The following MLLT3 variants were observed in gnomAD, a reference collection of about 807,000 sequenced individuals.
MLLT3 encodes the protein MLLT3 super elongation complex subunit.
A neutral mutation model predicts 53.2 loss-of-function variants in MLLT3; 4 were observed. The ratio of observed to expected loss-of-function variants is 0.08; its 90% CI spans 0.04 to 0.17. The LOEUF (loss-of-function observed/expected upper bound fraction) is 0.17. Among genes scored for constraint, MLLT3 ranks in the 10% least tolerant of loss-of-function variants. The pLI, the probability that MLLT3 is intolerant of heterozygous loss-of-function variation, is 1.00. For synonymous variants in MLLT3, 283 were observed against 230.6 expected, an observed-to-expected ratio of 1.23 and a Z score of -2.06; for missense variants, 569 against 684.0, an observed-to-expected ratio of 0.83 and a Z score of 1.87.
rs118161474 is a variant in MLLT3 at position 20,432,829 on chromosome 9, A to C, written c.420+15294T>G. Among the ~76,000 whole-genome samples, 204 of 152,160 alleles carry C rather than the reference A, an allele frequency of 1.3e-3. 2 individuals are homozygous for C. The East Asian group carries it at 0.03, about 22-fold the overall frequency. On this transcript the variant is annotated intron_variant, in intron 4 of 10. Coordinates refer to ENST00000380338, the MANE Select transcript of MLLT3 (RefSeq NM_004529.4). ...CTATTTCCCTTCACAGAGCTCCTAC[A>C]TATGTATGCTTTTGTTTTTAAATTT...
intron 2 of MLLT3, among the ~76,000 whole-genome samples, chr9:20,586,032 T>C (rs1208397004): frequency 6.6e-6 from 1 of 152,102 alleles, no homozygotes; most frequent in African/African-American, 2.4e-5. Context: ...AGAGAATAAA[T>C]ATAGGCCAGG....
At chr9:20,553,676 T>C (rs1455716501) in intron 2 of MLLT3, among the ~76,000 whole-genome samples, 11 of 152,128 alleles carry the variant, frequency 7.2e-5, no homozygotes, top group Admixed American at 6.5e-4. Flanking sequence ...TCACTGGACT[T>C]CCCCCAAAAG....
chr9:20,502,971 A>C (rs185056549), intron 2 of MLLT3, among the ~76,000 whole-genome samples: 1 of 152,226 alleles, frequency 6.6e-6, no homozygotes, highest in African/African-American at 2.4e-5. Context: ...AAAAGAACAG[A>C]ATGCTTAGGA....
intron 8 of MLLT3, among the ~76,000 whole-genome samples, chr9:20,358,063 T>A (rs1821216555): frequency 2.0e-5 from 3 of 151,878 alleles, no homozygotes; most frequent in Admixed American, 2.0e-4. Flanking sequence ...TAGTTGACTT[T>A]TAGATTTTTA....
chr9:20,571,873 TAAC>T (rs1255833188), intron 2 of MLLT3, among the ~76,000 whole-genome samples: 1 of 152,184 alleles, frequency 6.6e-6, no homozygotes, highest in Non-Finnish European at 1.5e-5. Context: ...GAACAAAAGA[TAAC>T]AAGTATTGGC....
intron 5 of MLLT3, among the ~76,000 whole-genome samples, chr9:20,403,083 G>A (rs566752054): frequency 6.6e-6 from 1 of 151,748 alleles, no homozygotes; most frequent in African/African-American, 2.4e-5. Context: ...ATAATGGCAT[G>A]CCAACTGGGG....
intron 5 of MLLT3, among the ~76,000 whole-genome samples, chr9:20,381,353 C>T (rs548611567): frequency 3.7e-4 from 57 of 152,008 alleles, no homozygotes; most frequent in African/African-American, 1.3e-3. Flanking sequence ...AAATTTATTT[C>T]TGCTGAAGAA....
chr9:20,439,199 T>C (rs1285315719), intron 4 of MLLT3, among the ~76,000 whole-genome samples: 1 of 151,682 alleles, frequency 6.6e-6, no homozygotes, highest in Non-Finnish European at 1.5e-5. Flanking sequence ...ACCAAAAAAA[T>C]ACAAAAATCA....
At position 20,344,062 on chromosome 9, in the gene MLLT3, C is replaced by T. The variant is rs550775387; in HGVS notation, c.*2381G>A. ...ATGGATAAGTTTTTCTGAACTTTAT[C>T]AATTTACAAACTTACATTTTAGGAT... On this transcript the variant is annotated 3_prime_UTR_variant, in exon 11 of 11. Transcript: ENST00000380338. 1 of 200,236 alleles carries T rather than the reference C, an allele frequency of 5.0e-6. No homozygotes were observed. The highest frequency in any genetic ancestry group is 1.0e-5 in the Non-Finnish European group (1 of 97,190). 12.4% of individuals were successfully genotyped at this position (200,236 alleles called of 1,614,324 possible).
In MLLT3 at chr9:20,620,637, T is replaced by C. The variant is rs764338674; in HGVS notation, c.193+17A>G. 3 of 1,609,934 alleles carry C rather than the reference T, an allele frequency of 1.9e-6. No homozygotes were observed. Among genetic ancestry groups the C allele is most frequent in the Admixed American group, 3.3e-5 (2 of 59,758 alleles). On this transcript the variant is annotated intron_variant, in intron 2 of 10. Transcript: ENST00000380338. The surrounding 1 kb of genome is among the most constrained non-coding windows in gnomAD (Gnocchi z 6.1). ...AAAGACATTTTTTATCAAGACCCTTTTGTATTCGAGCCCTACCTCTTTTTG... is the reference window on the plus strand; with the variant it reads ...AAAGACATTTTTTATCAAGACCCTTCTGTATTCGAGCCCTACCTCTTTTTG...
chr9:20,479,413 T>C (rs553782841), intron 2 of MLLT3, among the ~76,000 whole-genome samples: 8 of 152,252 alleles, frequency 5.3e-5, no homozygotes, highest in Non-Finnish European at 1.0e-4. Context: ...TTTTTTCTTA[T>C]AGCAAGAGGG....
chr9:20,383,236 T>TA (rs1179796862), intron 5 of MLLT3, among the ~76,000 whole-genome samples: 1 of 151,970 alleles, frequency 6.6e-6, no homozygotes, highest in Non-Finnish European at 1.5e-5. Context: ...CAAATGCAGC[T>TA]ATCAGCTCTA....
chr9:20,392,607 T>C (rs1325290761), intron 5 of MLLT3, among the ~76,000 whole-genome samples: 1 of 152,234 alleles, frequency 6.6e-6, no homozygotes, highest in Non-Finnish European at 1.5e-5. Flanking sequence ...CTAGCATTTC[T>C]ACTCGATGAG....
Position 20,414,114 on chromosome 9 carries a change from T to G in MLLT3, c.732A>C (p.Glu244Asp). 3 of 1,613,732 alleles carry G rather than the reference T, an allele frequency of 1.9e-6. No individual in the cohort carries two copies. The highest frequency in any genetic ancestry group is 2.5e-6 in the Non-Finnish European group (3 of 1,179,930). Residue 244 changes from glutamate to aspartate, a missense_variant, in exon 5 of 11, where the codon GAA becomes GAC. By Grantham distance (45) the Glu-to-Asp change is conservative. This residue lies in a region of MLLT3 where 437 missense variants were observed against 376.5 expected (regional missense o/e 1.16). Transcript: ENST00000380338. ...AGGCCATCTTAGGAACTATTTTCTC[T>G]TCTTTCAGTGGTTTATTTTCTTTGG... ...KKPKENKPLK[E>D]EKIVPKMAFK...
chr9:20,459,113 G>A (rs1177710985), intron 2 of MLLT3, among the ~76,000 whole-genome samples: 2 of 152,070 alleles, frequency 1.3e-5, no homozygotes, highest in Admixed American at 6.6e-5. Flanking sequence ...ACAGAAGCGC[G>A]AGGCATTTTT....
intron 5 of MLLT3, among the ~76,000 whole-genome samples, chr9:20,392,736 G>C (rs1822219125): frequency 6.6e-6 from 1 of 152,116 alleles, no homozygotes; most frequent in South Asian, 2.1e-4. Context: ...AAATAGGACA[G>C]GACAAAAGGC....
At chr9:20,591,798 A>G (rs1228629930) in intron 2 of MLLT3, among the ~76,000 whole-genome samples, 2 of 152,214 alleles carry the variant, frequency 1.3e-5, no homozygotes, top group African/African-American at 4.8e-5. Flanking sequence ...ATGGTTTCTA[A>G]GGAACATGAA....
At chr9:20,469,077 C>T (rs1172809296) in intron 2 of MLLT3, among the ~76,000 whole-genome samples, 5 of 151,910 alleles carry the variant, frequency 3.3e-5, no homozygotes, top group Non-Finnish European at 2.9e-5. Context: ...AAATATTGCC[C>T]CCGTGCAATA....
At chr9:20,424,538 T>C (rs186974746) in intron 4 of MLLT3, among the ~76,000 whole-genome samples, 175 of 152,222 alleles carry the variant, frequency 1.1e-3, no homozygotes, top group Non-Finnish European at 1.1e-3. Context: ...TTAAGAAAAC[T>C]GGAGAATCTT....
Sources: gnomAD v4.1 joint callset for allele counts (sites outside exome capture counted in the v4.1 genomes callset) on GRCh38, gnomAD v4.1.1 for gene constraint, gnomAD v4.1.1 regional missense constraint, Gnocchi (gnomAD v3.1) non-coding constraint, MANE v1.5 for transcripts, NCBI Gene and HGNC (gene_info 2026-07-23, HGNC 2026-07-21) for gene names.